CCDC116: variants seen among roughly 807,000 people sequenced by gnomAD.
CCDC116 encodes the protein coiled-coil domain-containing protein 116.
CCDC116 carries 24 observed loss-of-function variants against 29.4 expected under a neutral mutation model. The observed-to-expected ratio is 0.82, with a 90% CI of 0.59 to 1.15. The LOEUF (loss-of-function observed/expected upper bound fraction) is 1.15. Ranked by LOEUF, CCDC116 falls within the 50% of genes most tolerant of loss-of-function variation. CCDC116 has a pLI of 0.00. For synonymous variants in CCDC116, 298 were observed against 331.4 expected, an observed-to-expected ratio of 0.90 and a Z score of 1.10; for missense variants, 791 against 804.0, an observed-to-expected ratio of 0.98 and a Z score of 0.20.
In CCDC116 at chr22:21,633,083, A is replaced by G. The variant is rs763238058; in HGVS notation, c.-62-37A>G. Reference sequence around the variant, plus strand: ...TCCAGGGCCACAGATGCGTGGACCTATTGGAGACCCTCAGGTTGTCTCCCC... The same window carrying G: ...TCCAGGGCCACAGATGCGTGGACCTGTTGGAGACCCTCAGGTTGTCTCCCC... On this transcript the variant is annotated intron_variant, in intron 1 of 4. Transcript: ENST00000292779. 5 of 947,672 alleles carry G rather than the reference A, an allele frequency of 5.3e-6. No individual in the cohort carries two copies. In the South Asian group the frequency reaches 5.6e-5, roughly 11 times the overall value. The allele number at this position is 947,672 out of a possible 1,614,324, so 58.7% of individuals were successfully genotyped here. A position where few individuals can be genotyped will look rare whatever the true frequency, so the allele number is the denominator to read the frequency against.
rs1930713411 is a variant in CCDC116, at chr22:21,634,801, G to A, written c.738G>A (p.Leu246=). The change falls in exon 4 of 5, where the codon CTG becomes CTA. Residue 246 remains leucine (L), a synonymous_variant. Coordinates refer to ENST00000292779, the MANE Select transcript of CCDC116 (RefSeq NM_152612.3). ...CCTTGTCCTGGTTCTCAGGGCTGCT[G>A]GGCTCAAGCTCTGGCGTGCCTGAAG... ...EQPLSWFSGL[L]GSSSGVPEAS... 2.5e-6 allele frequency: 4 copies of A among 1,614,016 alleles called. No homozygotes were observed. Among genetic ancestry groups the A allele is most frequent in the Admixed American group, 1.7e-5 (1 of 60,024 alleles).
chr22:21,633,218 G>A lies in CCDC116; in HGVS notation c.37G>A (p.Asp13Asn), dbSNP rs1930625505. ...RCRHHSGYLADDEASHSMCSA... is the reference protein window; with the variant it reads ...RCRHHSGYLANDEASHSMCSA... ...CCGCCACCACTCGGGTTACCTGGCC[G>A]ATGACGAGGCCAGCCACTCCATGTG... The change falls in exon 2 of 5, where the codon GAT becomes AAT. Residue 13 changes from aspartate to asparagine, a missense_variant. By Grantham distance (23) the Asp-to-Asn change is conservative. Transcript: ENST00000292779. 1.3e-6 allele frequency: 2 copies of A among 1,550,758 alleles called. No homozygotes were observed. Among genetic ancestry groups the A allele is most frequent in the Non-Finnish European group, 8.7e-7 (1 of 1,147,088 alleles).
rs751914588 is a variant in CCDC116 at position 21,635,232 on chromosome 22, C to G, written c.1169C>G (p.Ser390Cys). 1.3e-5 allele frequency: 20 copies of G among 1,599,540 alleles called. No homozygotes were observed. The African/African-American group carries it at 2.3e-4, about 18-fold the overall frequency. Residue 390 changes from serine to cysteine, a missense_variant, in exon 4 of 5, where the codon TCT becomes TGT. Ser to Cys is a moderately radical substitution (Grantham distance 112, BLOSUM62 -1). Transcript: ENST00000292779. Reference protein sequence around the residue: ...RKDRGGSPSMSSAQVATRFKL... With the variant: ...RKDRGGSPSMCSAQVATRFKL... ...GACAGAGGAGGCTCCCCCTCCATGT[C>G]TAGTGCCCAGGTGGCCACCAGATTC...
At position 21,634,284 on chromosome 22, in the gene CCDC116, A is replaced by T. The variant is rs1930680481; in HGVS notation, c.335A>T (p.Gln112Leu). 3.7e-6 allele frequency: 6 copies of T among 1,613,710 alleles called. No homozygotes were observed. Among genetic ancestry groups the T allele is most frequent in the Non-Finnish European group, 4.2e-6 (5 of 1,179,972 alleles). ...TEAGVPLVEVQDPVEVPSGGR... is the reference protein window; with the variant it reads ...TEAGVPLVEVLDPVEVPSGGR... Reference sequence around the variant, plus strand: ...GCTGGGGTGCCGCTTGTGGAGGTGCAGGACCCAGTGGAGGTGCCAAGTGGT... The same window carrying T: ...GCTGGGGTGCCGCTTGTGGAGGTGCTGGACCCAGTGGAGGTGCCAAGTGGT... Residue 112 changes from glutamine to leucine, a missense_variant, in exon 3 of 5, where the codon CAG becomes CTG. Gln to Leu is a moderately radical substitution (Grantham distance 113, BLOSUM62 -2). Transcript: ENST00000292779.
In CCDC116 at chr22:21,637,063, G is replaced by C. The variant is rs368909911; in HGVS notation, c.1835G>C (p.Gly612Ala). 5.6e-6 allele frequency: 9 copies of C among 1,610,170 alleles called. No homozygotes were observed. The African/African-American group carries it at 1.1e-4, about 19-fold the overall frequency. ...EDQDEDKDED[G>A]V Reference sequence around the variant, plus strand: ...CAGGATGAGGACAAGGATGAGGATGGAGTCTAGAGCCTCCCAGAGCCTGGA... The same window carrying C: ...CAGGATGAGGACAAGGATGAGGATGCAGTCTAGAGCCTCCCAGAGCCTGGA... Residue 612 changes from glycine to alanine, a missense_variant, in exon 5 of 5, where the codon GGA becomes GCA. By Grantham distance (60) the Gly-to-Ala change is moderately conservative. Coordinates refer to ENST00000292779, the MANE Select transcript of CCDC116 (RefSeq NM_152612.3).
At position 21,634,186 on chromosome 22, in the gene CCDC116, G is replaced by C. The variant is rs1329036405; in HGVS notation, c.237G>C (p.Glu79Asp). ...PFGHFLDFLT[E>D]SQVLDSLETV... ...GCCACTTTCTGGATTTCCTAACTGAGAGCCAGGTCCTGGACAGCCTGGAGA... is the reference window on the plus strand; with the variant it reads ...GCCACTTTCTGGATTTCCTAACTGACAGCCAGGTCCTGGACAGCCTGGAGA... The change falls in exon 3 of 5, where the codon GAG (glutamate) becomes GAC (aspartate). Residue 79 changes from glutamate (E) to aspartate (D), a missense_variant. By Grantham distance (45) the Glu-to-Asp change is conservative. Transcript: ENST00000292779. 9.9e-6 allele frequency: 16 copies of C among 1,614,144 alleles called. No homozygotes were observed. The highest frequency in any genetic ancestry group is 3.3e-4 in the Middle Eastern group (2 of 6,084).
At chr22:21,635,698 G>A in intron 4 of CCDC116, 2 of 644,988 alleles carry the variant, frequency 3.1e-6, no homozygotes, top group Admixed American at 2.3e-5. Flanking sequence ...CCTGCACTGT[G>A]GAAACCTCCT....
rs530867184 is a variant in CCDC116 at position 21,636,784 on chromosome 22, G to A, written c.1556G>A (p.Cys519Tyr). ...RQASRLSTSH[C>Y]STETPSVQQE... ...GCCTCCCGGCTCAGCACCTCCCACT[G>A]CAGCACAGAGACACCCTCTGTGCAG... The change falls in exon 5 of 5, where the codon TGC (cysteine) becomes TAC (tyrosine). Residue 519 changes from cysteine to tyrosine, a missense_variant. Coordinates refer to ENST00000292779, the MANE Select transcript of CCDC116 (RefSeq NM_152612.3). The A allele has an allele frequency of 1.9e-5, 31 of 1,612,586 alleles. No individual in the cohort carries two copies. The East Asian group carries it at 5.6e-4, about 29-fold the overall frequency.
At chr22:21,635,919 C>T in intron 4 of CCDC116, 1 of 424,638 alleles carries the variant, frequency 2.4e-6, no homozygotes, top group Non-Finnish European at 4.2e-6. Context: ...AGGTCTAGCT[C>T]CCTTGAATCC....
At chr22:21,632,982 G>A (rs991499794) in intron 1 of CCDC116, 138 bp from the exon 2 acceptor site, 11 of 705,936 alleles carry the variant, frequency 1.6e-5, no homozygotes, top group Non-Finnish European at 2.7e-5. Context: ...GCCTGCAGAC[G>A]CATGGGGGCC....
chr22:21,635,678 G>C, intron 4 of CCDC116: 1 of 680,920 alleles, frequency 1.5e-6, no homozygotes, highest in Middle Eastern at 2.3e-4. Context: ...TCAAGGTCAA[G>C]GTCTCTTGCC....
chr22:21,636,529 A>G lies in CCDC116; in HGVS notation c.1301A>G (p.Glu434Gly). The G allele has an allele frequency of 6.2e-7, 1 of 1,613,964 alleles. No homozygotes were observed. The highest frequency in any genetic ancestry group is 8.5e-7 in the Non-Finnish European group (1 of 1,180,004). Residue 434 changes from glutamate to glycine, a missense_variant, in exon 5 of 5, where the codon GAG becomes GGG. Physicochemically the swap from Glu to Gly is moderately conservative, Grantham distance 98. Coordinates refer to ENST00000292779, the MANE Select transcript of CCDC116 (RefSeq NM_152612.3). ...MSHFSNRLYEELADFLTQQAA... is the reference protein window; with the variant it reads ...MSHFSNRLYEGLADFLTQQAA... ...CACTTCTCCAACCGCCTTTATGAGG[A>G]GCTCGCCGACTTCCTGACCCAGCAG...
rs73382316 is a variant in CCDC116, at chr22:21,633,273, C to A, written c.72+20C>A. 4 of 1,532,498 alleles carry A rather than the reference C, an allele frequency of 2.6e-6. No homozygotes were observed. The highest frequency in any genetic ancestry group is 2.0e-5 in the Admixed American group (1 of 50,538). 94.9% of individuals were successfully genotyped at this position (1,532,498 alleles called of 1,614,324 possible). A position where few individuals can be genotyped will look rare whatever the true frequency, so the allele number is the denominator to read the frequency against. ...GCACGGGTAAGTGTGCCCAGCAGGG[C>A]GCCGACCCTTGAGGCCACAACATGT... is the stretch of plus-strand genomic sequence containing the variant. On this transcript the variant is annotated intron_variant, in intron 2 of 4. Coordinates refer to ENST00000292779, the MANE Select transcript of CCDC116 (RefSeq NM_152612.3).
chr22:21,635,636 C>G (rs1181168418), intron 4 of CCDC116: 7 of 700,932 alleles, frequency 1.0e-5, no homozygotes, highest in Non-Finnish European at 1.8e-5. Flanking sequence ...CTTGACCCAC[C>G]ACTCCTAGCA....
At chr22:21,635,540 G>A (rs980293583) in intron 4 of CCDC116, 2 of 702,932 alleles carry the variant, frequency 2.8e-6, no homozygotes, top group Non-Finnish European at 5.2e-6. Flanking sequence ...GCTCTCTCCA[G>A]TTGCCTCTTC....
chr22:21,633,580 GTGT>G (rs1930640624), intron 2 of CCDC116, among the ~76,000 whole-genome samples: 2 of 152,158 alleles, frequency 1.3e-5, no homozygotes, highest in African/African-American at 4.8e-5. Context: ...AAGACCTCAG[GTGT>G]TGTCTGCACT....
Position 21,634,890 on chromosome 22 carries a change from T to A in CCDC116, c.827T>A (p.Ile276Asn), listed in dbSNP as rs76090341. The change falls in exon 4 of 5, where the codon ATC becomes AAC. Residue 276 changes from isoleucine (I) to asparagine (N), a missense_variant. By Grantham distance (149) the Ile-to-Asn change is moderately radical (BLOSUM62 -3). Coordinates refer to ENST00000292779, the MANE Select transcript of CCDC116 (RefSeq NM_152612.3). Reference protein sequence around the residue: ...IFRKREFNKEIKSLLSQLESL... With the variant: ...IFRKREFNKENKSLLSQLESL... ...CGCAAGCGAGAGTTCAATAAGGAGA[T>A]CAAGTCATTACTGAGCCAGCTGGAG... 1.6e-3 allele frequency: 2,628 copies of A among 1,613,836 alleles called. 38 individuals carry two copies. In the African/African-American group the frequency reaches 0.03, roughly 19 times the overall value.
Position 21,634,186 on chromosome 22 carries a change from G to A in CCDC116, c.237G>A (p.Glu79=), listed in dbSNP as rs1329036405. ...PFGHFLDFLT[E]SQVLDSLETV... is the part of the protein sequence containing the mutation. The stretch of plus-strand genomic sequence containing the variant: ...GCCACTTTCTGGATTTCCTAACTGA[G>A]AGCCAGGTCCTGGACAGCCTGGAGA... The change falls in exon 3 of 5, where the codon GAG becomes GAA. Residue 79 remains glutamate (E), a synonymous_variant. Coordinates refer to ENST00000292779, the MANE Select transcript of CCDC116 (RefSeq NM_152612.3). The A allele has an allele frequency of 6.2e-7, 1 of 1,614,262 alleles. No individual in the cohort carries two copies. The highest frequency in any genetic ancestry group is 2.2e-5 in the East Asian group (1 of 44,890).
chr22:21,635,623 C>T, intron 4 of CCDC116: 1 of 702,260 alleles, frequency 1.4e-6, no homozygotes, highest in Non-Finnish European at 2.6e-6. Context: ...AGGAGAAGGG[C>T]TCCTTGACCC....
Sources: gnomAD v4.1 joint callset for allele counts (sites outside exome capture counted in the v4.1 genomes callset) on GRCh38, gnomAD v4.1.1 for gene constraint, MANE v1.5 for transcripts, NCBI Gene and HGNC (gene_info 2026-07-23, HGNC 2026-07-21) for gene names.